SSH2: variants seen among roughly 807,000 people sequenced by gnomAD.
The protein encoded by SSH2 is protein phosphatase Slingshot homolog 2.
SSH2 carries 37 observed loss-of-function variants against 135.2 expected under a neutral mutation model. The ratio of observed to expected loss-of-function variants is 0.27; its 90% CI spans 0.21 to 0.36. The LOEUF (loss-of-function observed/expected upper bound fraction) is 0.36. SSH2 is among the 10% of genes least tolerant of loss of function. The probability of loss-of-function intolerance (pLI) is 1.00; values close to 1 mark genes in which losing one functional copy is unlikely to be tolerated. For missense variants in SSH2, 1,408 were observed against 1,765.3 expected (o/e 0.80, Z 3.63); for synonymous variants, 628 against 646.2 (o/e 0.97, Z 0.43).
At chr17:29,896,558 G>T (rs2066448952) in intron 1 of SSH2, among the ~76,000 whole-genome samples, 1 of 150,048 alleles carries the variant, frequency 6.7e-6, no homozygotes, top group African/African-American at 2.4e-5. Flanking sequence ...AATATATTTT[G>T]GCATTTTATA....
chr17:29,775,633 C>T (rs2041681982), intron 3 of SSH2: 2 of 152,092 alleles, frequency 1.3e-5, no homozygotes, highest in South Asian at 2.1e-4. Context: ...AAAGTCCTCT[C>T]CTGATCTGAA....
rs2035605362 is a variant in SSH2, at chr17:29,630,045, G to C, written c.*796C>G. 1.3e-5 allele frequency: 2 copies of C among 152,434 alleles called. No individual in the cohort carries two copies. The highest frequency in any genetic ancestry group is 6.5e-5 in the Admixed American group (1 of 15,288). 9.4% of individuals were successfully genotyped at this position (152,434 alleles called of 1,614,324 possible). On this transcript the variant is annotated 3_prime_UTR_variant, in exon 16 of 16. Coordinates refer to ENST00000540801, the MANE Select transcript of SSH2 (RefSeq NM_001282129.2). ...ACATTTTTCTGGCAGGGAGAGCCAAGATGCCCATCTGTGTGGATCCCACCA... is the reference window on the plus strand; with the variant it reads ...ACATTTTTCTGGCAGGGAGAGCCAACATGCCCATCTGTGTGGATCCCACCA...
chr17:29,789,544 T>A (rs1203997768), intron 3 of SSH2, among the ~76,000 whole-genome samples: 1 of 152,150 alleles, frequency 6.6e-6, no homozygotes, highest in East Asian at 1.9e-4. Flanking sequence ...TCAGTGATGA[T>A]CATCAGGGCT....
chr17:29,890,035 C>T (rs8064689), intron 1 of SSH2, among the ~76,000 whole-genome samples: 60,669 of 151,964 alleles, frequency 0.4, 14,614 homozygotes, highest in East Asian at 0.69. Flanking sequence ...GAGGAAGATA[C>T]ACAAATGGCC....
intron 4 of SSH2, among the ~76,000 whole-genome samples, chr17:29,696,214 T>C (rs2038732245): frequency 6.8e-6 from 1 of 146,538 alleles, no homozygotes; most frequent in South Asian, 2.2e-4. Context: ...CACACATATG[T>C]ATATACGTAT....
At chr17:29,835,493 G>A (rs549219857) in intron 2 of SSH2, among the ~76,000 whole-genome samples, 1 of 152,224 alleles carries the variant, frequency 6.6e-6, no homozygotes, top group Non-Finnish European at 1.5e-5. Context: ...ACCATCATCT[G>A]ACACTTCGTA....
At chr17:29,833,561 G>C (rs977398450) in intron 2 of SSH2, among the ~76,000 whole-genome samples, 2 of 152,008 alleles carry the variant, frequency 1.3e-5, no homozygotes, top group Admixed American at 6.6e-5. Context: ...TTTGATTGCA[G>C]AGTTTAGTCC....
chr17:29,713,447 C>G (rs1366685819), intron 3 of SSH2, among the ~76,000 whole-genome samples: 1 of 152,134 alleles, frequency 6.6e-6, no homozygotes, highest in African/African-American at 2.4e-5. Context: ...TGTTCTGTTT[C>G]TCTTTTTCTT....
chr17:29,706,283 T>A (rs895860292), intron 3 of SSH2, among the ~76,000 whole-genome samples: 9 of 152,188 alleles, frequency 5.9e-5, no homozygotes, highest in Non-Finnish European at 1.5e-5. Context: ...TATCCTTTAA[T>A]AAAGTCCATG....
At chr17:29,840,576 G>A (rs1454508055) in intron 2 of SSH2, among the ~76,000 whole-genome samples, 1 of 152,210 alleles carries the variant, frequency 6.6e-6, no homozygotes, top group Non-Finnish European at 1.5e-5. Flanking sequence ...CAAGCCACAA[G>A]CCAAATTAGG....
chr17:29,838,585 G>A (rs376895883), intron 2 of SSH2, among the ~76,000 whole-genome samples: 59 of 152,226 alleles, frequency 3.9e-4, no homozygotes, highest in East Asian at 1.9e-3. Context: ...GAAAAGCCCC[G>A]GACTCAGCCA....
At chr17:29,924,481 T>C (rs1427814624) in intron 1 of SSH2, among the ~76,000 whole-genome samples, 1 of 152,202 alleles carries the variant, frequency 6.6e-6, no homozygotes. Context: ...AAATCAAGAT[T>C]TAAAACAAGA....
At chr17:29,817,814 G>A (rs1282641234) in intron 2 of SSH2, among the ~76,000 whole-genome samples, 1 of 152,136 alleles carries the variant, frequency 6.6e-6, no homozygotes, top group Non-Finnish European at 1.5e-5. Context: ...CTGGAGTGCA[G>A]CAGTGAGATC....
intron 3 of SSH2, among the ~76,000 whole-genome samples, chr17:29,705,963 A>G (rs943428156): frequency 1.3e-5 from 2 of 152,218 alleles, no homozygotes; most frequent in African/African-American, 4.8e-5. Context: ...AGTAGAATAT[A>G]AGCTCCAAGA....
At chr17:29,864,448 GA>G (rs1331213785) in intron 1 of SSH2, among the ~76,000 whole-genome samples, 1 of 151,708 alleles carries the variant, frequency 6.6e-6, no homozygotes, top group African/African-American at 2.4e-5. Context: ...GTCTCTTATA[GA>G]TATACTCATA....
chr17:29,729,613 T>C (rs1178087087), intron 3 of SSH2, among the ~76,000 whole-genome samples: 2 of 152,214 alleles, frequency 1.3e-5, no homozygotes, highest in Non-Finnish European at 2.9e-5. Flanking sequence ...CTACTCACAA[T>C]AGCCAAGATT....
intron 1 of SSH2, among the ~76,000 whole-genome samples, chr17:29,887,418 A>G (rs181307594): frequency 6.6e-6 from 1 of 152,328 alleles, no homozygotes; most frequent in Non-Finnish European, 1.5e-5. Flanking sequence ...ATCAAAAATG[A>G]CATGGAATTC....
intron 1 of SSH2, among the ~76,000 whole-genome samples, chr17:29,890,096 A>G (rs2066320337): frequency 6.6e-6 from 1 of 152,222 alleles, no homozygotes; most frequent in Non-Finnish European, 1.5e-5. Context: ...GGGAAATGCA[A>G]ACCCAAACTG....
At chr17:29,728,410 A>G (rs764627559) in intron 3 of SSH2, among the ~76,000 whole-genome samples, 3 of 152,244 alleles carry the variant, frequency 2.0e-5, no homozygotes, top group Non-Finnish European at 4.4e-5. Flanking sequence ...AGACGACACC[A>G]AAAAAGGAAA....
Sources: gnomAD v4.1 joint callset for allele counts (sites outside exome capture counted in the v4.1 genomes callset) on GRCh38, gnomAD v4.1.1 for gene constraint, MANE v1.5 for transcripts, NCBI Gene and HGNC (gene_info 2026-07-23, HGNC 2026-07-21) for gene names.